The following SLC8A1 variants were observed in gnomAD, a reference collection of about 807,000 sequenced individuals.
The protein encoded by SLC8A1 is solute carrier family 8 member A1, also known as sodium/calcium exchanger 1.
In SLC8A1, 18 loss-of-function variants were observed where a neutral mutation model predicts 68.3. The observed-to-expected ratio is 0.26, with a 90% CI of 0.18 to 0.39. The LOEUF is 0.39. Ranked by LOEUF, SLC8A1 falls within the 10% of genes least tolerant of loss-of-function variation. SLC8A1 has a pLI of 1.00. For synonymous variants in SLC8A1, 475 were observed against 415.5 expected, an observed-to-expected ratio of 1.14 and a Z score of -1.74; for missense variants, 985 against 1,156.7, an observed-to-expected ratio of 0.85 and a Z score of 2.15.
In SLC8A1 at chr2:40,428,322, C is replaced by G. The variant is rs1697399161; in HGVS notation, c.1808+151G>C. On this transcript the variant is annotated intron_variant, in intron 2 of 7. Transcript: ENST00000406785. ...TTGATAACTGGCACCCAAGCAAAGA[C>G]TGATATCTTGAAAGGGATCTTGTAT... 3.7e-6 allele frequency: 5 copies of G among 1,342,600 alleles called. 1 individual carries two copies. In the South Asian group the frequency reaches 6.0e-5, roughly 16 times the overall value. The allele number at this position is 1,342,600 out of a possible 1,614,324, so 83.2% of individuals were successfully genotyped here.
intron 2 of SLC8A1, among the ~76,000 whole-genome samples, chr2:40,373,604 G>C (rs1436147806): frequency 1.3e-5 from 2 of 152,026 alleles, no homozygotes; most frequent in African/African-American, 4.8e-5. Flanking sequence ...GAACAATCCA[G>C]TGGAATAGTA....
At chr2:40,287,690 G>C (rs2068574498) in intron 2 of SLC8A1, among the ~76,000 whole-genome samples, 1 of 151,550 alleles carries the variant, frequency 6.6e-6, no homozygotes, top group African/African-American at 2.4e-5. Context: ...GAAGGCTGGA[G>C]TGAGGAACAG....
chr2:40,289,222 T>C (rs1035268265), intron 2 of SLC8A1, among the ~76,000 whole-genome samples: 2 of 148,508 alleles, frequency 1.3e-5, no homozygotes, highest in East Asian at 3.9e-4. Flanking sequence ...CAAATCCTGT[T>C]TTTTTTAAAA....
chr2:40,118,933 C>T (rs1268321897), intron 7 of SLC8A1, among the ~76,000 whole-genome samples: 1 of 152,032 alleles, frequency 6.6e-6, no homozygotes, highest in African/African-American at 2.4e-5. Context: ...CCCATGTGTA[C>T]TCAGAAACTC....
chr2:40,115,744 C>T (rs575515901), intron 7 of SLC8A1, 115 bp from the exon 11 acceptor site: 112 of 1,346,802 alleles, frequency 8.3e-5, no homozygotes, highest in Non-Finnish European at 1.1e-4. Flanking sequence ...ACCCAGTGAC[C>T]AAGAAATGGC....
chr2:40,113,370 G>A (rs2034810116), exon 8 of SLC8A1: 2 of 152,730 alleles, frequency 1.3e-5, no homozygotes, highest in African/African-American at 4.8e-5. Context: ...TTTCTCATTA[G>A]TGGACTCACT....
At chr2:40,426,326 G>A (rs1163717231) in intron 2 of SLC8A1, among the ~76,000 whole-genome samples, 1 of 151,928 alleles carries the variant, frequency 6.6e-6, no homozygotes, top group African/African-American at 2.4e-5. Context: ...GAGATGGCAT[G>A]AATTATTAGC....
chr2:40,385,238 G>C lies in SLC8A1; in HGVS notation c.1808+43235C>G, dbSNP rs117844272. On this transcript the variant is annotated intron_variant, in intron 2 of 7. Transcript: ENST00000406785. ...ATGCAATAGGAATAATCCTAGTCTC[G>C]AGGAGGAAACTCCTTTTTTCTAATC... Among the ~76,000 whole-genome samples, 26 of 152,076 alleles carry C rather than the reference G, an allele frequency of 1.7e-4. No individual in the cohort carries two copies. In the East Asian group the frequency reaches 1.9e-3, roughly 11 times the overall value.
At position 40,255,777 on chromosome 2, in the gene SLC8A1, G is replaced by C. The variant is rs775404936; in HGVS notation, c.1809-77922C>G. ...CACGGTATCCTTCAAACATATCTAT[G>C]AGGCAAGGCTTGTGGCAGAAAAGGA... is the stretch of plus-strand genomic sequence containing the variant. On this transcript the variant is annotated intron_variant, in intron 2 of 7. Coordinates refer to ENST00000406785, the Ensembl canonical transcript of SLC8A1. 3.1e-4 allele frequency among the ~76,000 whole-genome samples: 47 copies of C among 152,168 alleles called. 1 individual carries two copies. Among genetic ancestry groups the C allele is most frequent in the Non-Finnish European group, 4.7e-4 (32 of 68,030 alleles).
chr2:40,293,631 C>T (rs2069746001), intron 2 of SLC8A1, among the ~76,000 whole-genome samples: 1 of 152,050 alleles, frequency 6.6e-6, no homozygotes, highest in Admixed American at 6.5e-5. Flanking sequence ...GAAAATCACT[C>T]TATTGATGCT....
chr2:40,260,864 G>A (rs1463788967), intron 2 of SLC8A1, among the ~76,000 whole-genome samples: 1 of 151,968 alleles, frequency 6.6e-6, no homozygotes, highest in Admixed American at 6.6e-5. Flanking sequence ...TCCGACCTAA[G>A]AGTGTGTGGC....
intron 2 of SLC8A1, among the ~76,000 whole-genome samples, chr2:40,323,714 C>A (rs1386942804): frequency 2.6e-5 from 4 of 151,938 alleles, no homozygotes; most frequent in Admixed American, 2.0e-4. Context: ...AAAAACAAAC[C>A]CTCCTACCCA....
At chr2:40,297,921 C>T (rs1403715971) in intron 2 of SLC8A1, among the ~76,000 whole-genome samples, 3 of 152,066 alleles carry the variant, frequency 2.0e-5, no homozygotes, top group African/African-American at 7.2e-5. Flanking sequence ...ACTGTGTCGC[C>T]CAGGCTGGAG....
intron 2 of SLC8A1, among the ~76,000 whole-genome samples, chr2:40,200,354 A>G (rs917054821): frequency 4.3e-5 from 6 of 140,042 alleles, no homozygotes; most frequent in Non-Finnish European, 9.1e-5. Flanking sequence ...TTCATTGGCT[A>G]GAGCTTTTTT....
intron 2 of SLC8A1, among the ~76,000 whole-genome samples, chr2:40,415,640 A>G (rs1027749559): frequency 6.6e-6 from 1 of 152,090 alleles, no homozygotes; most frequent in Non-Finnish European, 1.5e-5. Flanking sequence ...CATCAAATGC[A>G]AAGTCTTTCA....
chr2:40,434,704 G>A (rs989578305), intron 1 of SLC8A1, among the ~76,000 whole-genome samples: 2 of 152,140 alleles, frequency 1.3e-5, no homozygotes, highest in African/African-American at 4.8e-5. Flanking sequence ...ATCATGAAAT[G>A]AGACTTTAGC....
rs1206936499 is a variant in SLC8A1, at chr2:40,329,470, T to C, written c.1808+99003A>G. Among the ~76,000 whole-genome samples, 13 of 152,228 alleles carry C rather than the reference T, an allele frequency of 8.5e-5. No individual in the cohort carries two copies. In the East Asian group the frequency reaches 1.3e-3, roughly 16 times the overall value. On this transcript the variant is annotated intron_variant, in intron 2 of 7. Transcript: ENST00000406785. Reference sequence around the variant, plus strand: ...CCTCTTGCTGTTTGTTAAATGGCTATTGGAAGATCTCTTGCTAAACCTGAA... The same window carrying C: ...CCTCTTGCTGTTTGTTAAATGGCTACTGGAAGATCTCTTGCTAAACCTGAA...
At chr2:40,309,279 T>C (rs1238366385) in intron 2 of SLC8A1, among the ~76,000 whole-genome samples, 1 of 152,180 alleles carries the variant, frequency 6.6e-6, no homozygotes, top group Admixed American at 6.5e-5. Flanking sequence ...AGTTTGTAGA[T>C]ATTTATTGCA....
At chr2:40,113,169 C>T (rs760154999) in exon 8 of SLC8A1, 1 of 152,226 alleles carries the variant, frequency 6.6e-6, no homozygotes, top group Admixed American at 6.5e-5. Context: ...TTTAATTACT[C>T]ATTCAGTCAC....
Sources: allele counts gnomAD v4.1 joint callset (sites outside exome capture counted in the v4.1 genomes callset), GRCh38; gene constraint gnomAD v4.1.1; transcripts MANE v1.5; gene names NCBI Gene and HGNC (gene_info 2026-07-23, HGNC 2026-07-21).